Variants in TMEM182 observed in about 807,000 individuals in gnomAD.
TMEM182 encodes transmembrane protein 182.
In TMEM182, 20 loss-of-function variants were observed where a neutral mutation model predicts 26.8. That is an observed-to-expected ratio of 0.75 (90% CI 0.53 to 1.09). The LOEUF (loss-of-function observed/expected upper bound fraction) is 1.09. Among genes scored for constraint, TMEM182 ranks in the 50% least tolerant of loss-of-function variants. TMEM182 has a pLI of 0.00. For missense variants in TMEM182, 277 were observed against 275.5 expected, an observed-to-expected ratio of 1.01 and a Z score of -0.04; for synonymous variants, 109 against 102.2, an observed-to-expected ratio of 1.07 and a Z score of -0.40.
Position 102,799,904 on chromosome 2 carries a change from C to A in TMEM182, c.469+1904C>A, listed in dbSNP as rs569288357. On this transcript the variant is annotated intron_variant, in intron 4 of 4. Transcript: ENST00000412401. ...TTCTAAGGCCAGCCTCGGGAGAGAACAGGACTGGGAGGCAGGAGGGCAGGA... is the reference window on the plus strand; with the variant it reads ...TTCTAAGGCCAGCCTCGGGAGAGAAAAGGACTGGGAGGCAGGAGGGCAGGA... 5.8e-4 allele frequency among the ~76,000 whole-genome samples: 88 copies of A among 152,106 alleles called. No homozygotes were observed. In the Middle Eastern group the frequency reaches 0.01, roughly 18 times the overall value.
chr2:102,781,396 T>C (rs1049015008), intron 3 of TMEM182, among the ~76,000 whole-genome samples: 3 of 152,124 alleles, frequency 2.0e-5, no homozygotes, highest in African/African-American at 7.2e-5. Context: ...TTAAGATACA[T>C]AGTGGAGTTT....
At position 102,838,847 on chromosome 2, in the gene TMEM182, G is replaced by A. The variant is rs371504466; in HGVS notation, c.326-4565G>A. ...TCAACCAAGCCATTGGCAGAGGAAG[G>A]ATGGCAAGAGAATGAATTTGAGATA... On this transcript the variant is annotated intron_variant, in intron 3 of 3. Coordinates refer to the TMEM182 transcript ENST00000486293. 2.6e-3 allele frequency among the ~76,000 whole-genome samples: 393 copies of A among 152,266 alleles called. 2 individuals are homozygous for A. The highest frequency in any genetic ancestry group is 4.4e-3 in the South Asian group (21 of 4,818).
intron 3 of TMEM182, among the ~76,000 whole-genome samples, chr2:102,827,154 A>C (rs1291508899): frequency 6.6e-6 from 1 of 152,232 alleles, no homozygotes; most frequent in Non-Finnish European, 1.5e-5. Context: ...CAGCATCGCC[A>C]GGCACCATGT....
At position 102,762,246 on chromosome 2, in the gene TMEM182, G is replaced by A. The variant is rs1202596957; in HGVS notation, c.29G>A (p.Gly10Glu). Residue 10 changes from glycine (G) to glutamate (E), a missense_variant, in exon 1 of 5, where the codon GGA becomes GAA. Coordinates refer to ENST00000412401, the MANE Select transcript of TMEM182 (RefSeq NM_144632.5). Reference protein sequence around the residue: MRLNIAIFFGALFGALGVLL... With the variant: MRLNIAIFFEALFGALGVLL... ...AGACTAAATATCGCTATCTTCTTTGGAGCTCTCTTTGGTGCTTTGGGGGTG... is the reference window on the plus strand; with the variant it reads ...AGACTAAATATCGCTATCTTCTTTGAAGCTCTCTTTGGTGCTTTGGGGGTG... The A allele has an allele frequency of 1.9e-6, 3 of 1,613,234 alleles. No homozygotes were observed. The highest frequency in any genetic ancestry group is 2.7e-5 in the African/African-American group (2 of 74,774).
chr2:102,840,945 G>A (rs1421338761), intron 3 of TMEM182, among the ~76,000 whole-genome samples: 1 of 152,130 alleles, frequency 6.6e-6, no homozygotes, highest in Non-Finnish European at 1.5e-5. Context: ...GTTGTCTGCC[G>A]TTTATTTCTA....
At position 102,752,717 on chromosome 2, in the gene TMEM182, C is replaced by G. The variant is rs567688981; in HGVS notation, c.-82-5672C>G. 2.7e-4 allele frequency among the ~76,000 whole-genome samples: 41 copies of G among 152,338 alleles called. No homozygotes were observed. The South Asian group carries it at 8.1e-3, about 30-fold the overall frequency. On this transcript the variant is annotated intron_variant, in intron 1 of 5. Transcript: ENST00000409173. ...GGTCATTAGAGCCTCTTACAAGCAC[C>G]TCGTCTGGAAAGTCAGTTGGAAAGG... is the stretch of plus-strand genomic sequence containing the variant.
At chr2:102,825,803 C>T (rs913896467) in intron 3 of TMEM182, among the ~76,000 whole-genome samples, 9 of 152,100 alleles carry the variant, frequency 5.9e-5, no homozygotes, top group African/African-American at 2.2e-4. Flanking sequence ...GGTGTCAGTC[C>T]CATTGGAGAG....
At chr2:102,842,109 A>C (rs1342053090) in intron 3 of TMEM182, among the ~76,000 whole-genome samples, 5 of 152,330 alleles carry the variant, frequency 3.3e-5, no homozygotes, top group Admixed American at 2.0e-4. Context: ...TATAACCTCT[A>C]GGAGGATAAT....
At chr2:102,821,418 G>C (rs1315664907), downstream of TMEM182, among the ~76,000 whole-genome samples, 1 of 152,048 alleles carries the variant, frequency 6.6e-6, no homozygotes, top group Non-Finnish European at 1.5e-5. Flanking sequence ...AATTGATTAA[G>C]TGTGTGACAC....
chr2:102,765,026 T>C (rs192973453), intron 3 of TMEM182, among the ~76,000 whole-genome samples: 38 of 152,138 alleles, frequency 2.5e-4, no homozygotes, highest in Admixed American at 3.3e-4. Flanking sequence ...ATGTCATATA[T>C]AGAACAAAAA....
chr2:102,780,185 C>T (rs1681109741), intron 3 of TMEM182, among the ~76,000 whole-genome samples: 1 of 152,026 alleles, frequency 6.6e-6, no homozygotes, highest in East Asian at 1.9e-4. Flanking sequence ...CTTGGTATTA[C>T]TAATGATTTT....
intron 3 of TMEM182, among the ~76,000 whole-genome samples, chr2:102,772,710 G>C (rs1398912195): frequency 6.6e-6 from 1 of 152,084 alleles, no homozygotes; most frequent in African/African-American, 2.4e-5. Flanking sequence ...TCCACAAACA[G>C]GTTTGTAAAA....
In TMEM182 at chr2:102,833,283, A is replaced by C. The variant is rs553968827; in HGVS notation, c.326-10129A>C. Among the ~76,000 whole-genome samples, 3 of 152,248 alleles carry C rather than the reference A, an allele frequency of 2.0e-5. No homozygotes were observed. In the South Asian group the frequency reaches 6.2e-4, roughly 32 times the overall value. On this transcript the variant is annotated intron_variant, in intron 3 of 3. Transcript: ENST00000486293. ...AGATAGACTTTTTGCAGGAATAACA[A>C]CCATGTTAATTTTGAGCCTTTGCCT...
intron 1 of TMEM182, among the ~76,000 whole-genome samples, chr2:102,743,833 G>C (rs150416469): frequency 6.6e-6 from 1 of 152,098 alleles, no homozygotes; most frequent in South Asian, 2.1e-4. Context: ...CAGACAAGAC[G>C]TATTTCAAAA....
At chr2:102,776,617 A>C (rs1313792768) in intron 3 of TMEM182, among the ~76,000 whole-genome samples, 1 of 152,176 alleles carries the variant, frequency 6.6e-6, no homozygotes, top group Non-Finnish European at 1.5e-5. Flanking sequence ...AAGCCTCTAT[A>C]AACATTTGTG....
downstream of TMEM182, among the ~76,000 whole-genome samples, chr2:102,821,955 T>C (rs1682925606): frequency 6.9e-6 from 1 of 145,798 alleles, no homozygotes; most frequent in African/African-American, 2.6e-5. Context: ...TCCACTGCAC[T>C]CCAACCTGGG....
chr2:102,755,015 A>AT (rs2104645029), intron 1 of TMEM182, among the ~76,000 whole-genome samples: 1 of 152,314 alleles, frequency 6.6e-6, no homozygotes, highest in East Asian at 1.9e-4. Context: ...TGGACTCTAG[A>AT]TTTTAACAGA....
At chr2:102,785,000 C>T (rs1681328935) in intron 3 of TMEM182, among the ~76,000 whole-genome samples, 2 of 152,132 alleles carry the variant, frequency 1.3e-5, no homozygotes, top group African/African-American at 4.8e-5. Flanking sequence ...AGGTTTCAGC[C>T]TCATCTTACC....
chr2:102,774,379 C>G (rs1034325867), intron 3 of TMEM182, among the ~76,000 whole-genome samples: 2 of 151,138 alleles, frequency 1.3e-5, no homozygotes, highest in African/African-American at 4.9e-5. Context: ...CTTCAGCCTC[C>G]TGAGTAGCCG....
Sources: allele counts gnomAD v4.1 joint callset (sites outside exome capture counted in the v4.1 genomes callset), GRCh38; gene constraint gnomAD v4.1.1; transcripts MANE v1.5; gene names NCBI Gene and HGNC (gene_info 2026-07-23, HGNC 2026-07-21).